ESPNL: variants seen among roughly 807,000 people sequenced by gnomAD.
ESPNL encodes the protein espin like, also known as espin-like protein.
A neutral mutation model predicts 46.8 loss-of-function variants in ESPNL; 49 were observed. That is an observed-to-expected ratio of 1.05 (90% confidence interval 0.83 to 1.33). ESPNL has a LOEUF of 1.33. Among genes scored for constraint, ESPNL ranks in the 40% most tolerant of loss-of-function variants. ESPNL has a pLI of 0.00. For synonymous variants in ESPNL, 664 were observed against 662.1 expected, an observed-to-expected ratio of 1.00 and a Z score of -0.04; for missense variants, 1,540 against 1,436.6, an observed-to-expected ratio of 1.07 and a Z score of -1.16.
At position 238,125,260 on chromosome 2, in the gene ESPNL, T is replaced by C. The variant is rs10172440; in HGVS notation, c.988-10T>C. The C allele has an allele frequency of 0.38, 548,855 of 1,432,712 alleles. 113,448 individuals carry two copies. Among genetic ancestry groups the C allele is most frequent in the African/African-American group, 0.77 (53,737 of 69,708 alleles). 88.7% of individuals were successfully genotyped at this position (1,432,712 alleles called of 1,614,324 possible). A position where few individuals can be genotyped will look rare whatever the true frequency, so the allele number is the denominator to read the frequency against. ...GGGGTCCCCCACTGACCAGGCCCAT[T>C]CACCCACAGGTGCCCCTGCTGATGA... On this transcript the variant is annotated splice_polypyrimidine_tract_variant and intron_variant, in intron 5 of 8. Coordinates refer to ENST00000343063, the MANE Select transcript of ESPNL (RefSeq NM_194312.4).
chr2:238,104,589 CA>C (rs958430161), intron 2 of ESPNL, 66 bp from the exon 3 acceptor site: 125 of 1,457,860 alleles, frequency 8.6e-5, no homozygotes, highest in Admixed American at 6.1e-4. Flanking sequence ...CGGTGAAGTC[CA>C]AGCAGCCGAG....
chr2:238,126,649 A>G (rs1269952193), intron 6 of ESPNL, among the ~76,000 whole-genome samples: 1 of 111,862 alleles, frequency 8.9e-6, no homozygotes, highest in African/African-American at 3.7e-5. Flanking sequence ...TTTCTGTGTG[A>G]TTGTGTCTGT....
chr2:238,120,340 A>C (rs1691958403), intron 5 of ESPNL, among the ~76,000 whole-genome samples: 2 of 152,066 alleles, frequency 1.3e-5, no homozygotes, highest in Admixed American at 1.3e-4. Flanking sequence ...AGGTGGGGAC[A>C]GCAGCAGCTC....
chr2:238,126,869 G>A (rs928851082), intron 6 of ESPNL, among the ~76,000 whole-genome samples: 23 of 151,302 alleles, frequency 1.5e-4, no homozygotes, highest in African/African-American at 5.6e-4. Context: ...CTGCGTGTGT[G>A]ATTGTGTCTG....
chr2:238,116,966 G>A lies in ESPNL; in HGVS notation c.919G>A (p.Ala307Thr). 1.2e-6 allele frequency: 2 copies of A among 1,612,602 alleles called. No homozygotes were observed. The highest frequency in any genetic ancestry group is 1.7e-6 in the Non-Finnish European group (2 of 1,179,812). Residue 307 changes from alanine (A) to threonine (T), a missense_variant, in exon 5 of 9, where the codon GCG becomes ACG. Coordinates refer to ENST00000343063, the MANE Select transcript of ESPNL (RefSeq NM_194312.4). ...PSLRDEDGYT[A>T]ADLAEYHGHR... ...CCTGCGGGATGAAGATGGTTACACG[G>A]CGGCAGACCTGGCGGAGTACCATGG...
In ESPNL at chr2:238,130,828, C is replaced by CT; in HGVS notation, c.2115dup (p.Gly706TrpfsTer257). 6.5e-7 allele frequency: 1 copy of CT among 1,547,690 alleles called. No homozygotes were observed. Among genetic ancestry groups the CT allele is most frequent in the East Asian group, 2.4e-5 (1 of 41,856 alleles). On this transcript the variant is annotated frameshift_variant, in exon 9 of 9. Coordinates refer to ENST00000343063, the MANE Select transcript of ESPNL (RefSeq NM_194312.4). LOFTEE classifies it low-confidence loss of function (END_TRUNC). ...GGCCTGGCTTCAGGGGAGCCCAGGCCTGGCGACACAGAGGAGGCCAGCGAC... is the reference window on the plus strand; with the variant it reads ...GGCCTGGCTTCAGGGGAGCCCAGGCCTTGGCGACACAGAGGAGGCCAGCGAC...
In ESPNL at chr2:238,109,271, T is replaced by C. The variant is rs935785727; in HGVS notation, c.855+1298T>C. 8.5e-5 allele frequency among the ~76,000 whole-genome samples: 13 copies of C among 152,236 alleles called. 1 individual carries two copies. Among genetic ancestry groups the C allele is most frequent in the Admixed American group, 8.5e-4 (13 of 15,292 alleles). On this transcript the variant is annotated intron_variant, in intron 4 of 8. Coordinates refer to ENST00000343063, the MANE Select transcript of ESPNL (RefSeq NM_194312.4). ...ATCTTCTTTCAAATGAAATATTTGA[T>C]AGCAGCCCAAGAAGTTTAATAAATC...
In ESPNL at chr2:238,132,000, C is replaced by G. The variant is rs1692353545; in HGVS notation, c.*268C>G. 5.4e-6 allele frequency: 2 copies of G among 369,326 alleles called. No individual in the cohort carries two copies. Among genetic ancestry groups the G allele is most frequent in the Middle Eastern group, 7.2e-4 (1 of 1,388 alleles). The allele number at this position is 369,326 out of a possible 1,614,324, so 22.9% of individuals were successfully genotyped here. ...GCCACCCCAGTCCAGGGCACCTCTGCCCAGCCGGCCCCCGAGACCTGGGAT... is the reference window on the plus strand; with the variant it reads ...GCCACCCCAGTCCAGGGCACCTCTGGCCAGCCGGCCCCCGAGACCTGGGAT... On this transcript the variant is annotated 3_prime_UTR_variant, in exon 9 of 9. Coordinates refer to ENST00000343063, the MANE Select transcript of ESPNL (RefSeq NM_194312.4).
At chr2:238,104,592 G>A in intron 2 of ESPNL, 64 bp from the exon 3 acceptor site, 3 of 1,465,134 alleles carry the variant, frequency 2.0e-6, no homozygotes, top group South Asian at 2.8e-5. Context: ...TGAAGTCCAA[G>A]CAGCCGAGGG....
intron 3 of ESPNL, 147 bp downstream of exon 3, chr2:238,104,989 G>A (rs551720335): frequency 1.5e-5 from 11 of 710,886 alleles, no homozygotes; most frequent in South Asian, 9.8e-5. Flanking sequence ...CATGGCTCCC[G>A]AGAATCTGCA....
At chr2:238,106,969 G>A (rs910617175) in intron 3 of ESPNL, among the ~76,000 whole-genome samples, 2 of 152,224 alleles carry the variant, frequency 1.3e-5, no homozygotes, top group African/African-American at 2.4e-5. Context: ...CACTCACACC[G>A]AAGGCGACGG....
chr2:238,106,479 G>A (rs1420926282), intron 3 of ESPNL, among the ~76,000 whole-genome samples: 1 of 152,140 alleles, frequency 6.6e-6, no homozygotes, highest in African/African-American at 2.4e-5. Flanking sequence ...GCCCCTCCCG[G>A]TGCCTCGCCT....
intron 5 of ESPNL, among the ~76,000 whole-genome samples, chr2:238,121,116 C>T (rs1170912014): frequency 2.0e-5 from 3 of 152,164 alleles, no homozygotes; most frequent in African/African-American, 7.2e-5. Flanking sequence ...CCCTGACCCT[C>T]CCTGGGCCTT....
Position 238,102,140 on chromosome 2 carries a change from C to T in ESPNL, c.485+9C>T, listed in dbSNP as rs1312081596. The T allele has an allele frequency of 6.6e-7, 1 of 1,523,144 alleles. No individual in the cohort carries two copies. Among genetic ancestry groups the T allele is most frequent in the South Asian group, 1.2e-5 (1 of 80,892 alleles). 94.4% of individuals were successfully genotyped at this position (1,523,144 alleles called of 1,614,324 possible). Reference sequence around the variant, plus strand: ...ACAGCCGCGCATGGCAGGTAAGGAGCCCAAAGTCCCGCCTGGGGGGGCAGC... The same window carrying T: ...ACAGCCGCGCATGGCAGGTAAGGAGTCCAAAGTCCCGCCTGGGGGGGCAGC... On this transcript the variant is annotated intron_variant, in intron 2 of 8. Transcript: ENST00000343063.
chr2:238,117,982 AGATGGAGGAAGGTGGATGGAGGAGGAATG>A (rs1559263064), intron 5 of ESPNL, among the ~76,000 whole-genome samples: 10 of 149,512 alleles, frequency 6.7e-5, no homozygotes, highest in Admixed American at 1.3e-4. Flanking sequence ...GAGGAGAAAT[AGATGGAGGAAGGTGGATGGAGGAGGAATG>A]GATGGAGGAG....
At chr2:238,124,626 T>TGTGTGTGCAGGAGAGTGTACGTGC (rs1390496912) in intron 5 of ESPNL, among the ~76,000 whole-genome samples, 1 of 142,894 alleles carries the variant, frequency 7.0e-6, no homozygotes, top group African/African-American at 2.7e-5. Context: ...GGTACATGCG[T>TGTGTGTGCAGGAGAGTGTACGTGC]GTGTGTGCAG....
chr2:238,110,950 T>TTC (rs2106467654), intron 4 of ESPNL, among the ~76,000 whole-genome samples: 1 of 27,180 alleles, frequency 3.7e-5, no homozygotes, highest in South Asian at 2.1e-3. Context: ...TTAGTTATTC[T>TTC]TTTTTTTTTT....
intron 5 of ESPNL, among the ~76,000 whole-genome samples, chr2:238,120,099 T>C (rs62197363): frequency 0.14 from 20,650 of 152,184 alleles, 1,589 homozygotes; most frequent in South Asian, 0.28. Context: ...ATGGTGTGCT[T>C]GCTAGGCGTC....
chr2:238,120,964 G>A (rs576201647), intron 5 of ESPNL, among the ~76,000 whole-genome samples: 16 of 152,372 alleles, frequency 1.1e-4, no homozygotes, highest in African/African-American at 2.9e-4. Flanking sequence ...TGCATTCCAA[G>A]AGCAGCAGCA....
Sources: gnomAD v4.1 joint callset for allele counts (sites outside exome capture counted in the v4.1 genomes callset) on GRCh38, gnomAD v4.1.1 for gene constraint, MANE v1.5 for transcripts, NCBI Gene and HGNC (gene_info 2026-07-23, HGNC 2026-07-21) for gene names.